Variants in TENM3 observed in about 807,000 individuals in gnomAD.
TENM3 encodes the protein teneurin transmembrane protein 3, also known as teneurin-3.
A neutral mutation model predicts 255.1 loss-of-function variants in TENM3; 63 were observed. The observed-to-expected ratio is 0.25, with a 90% CI of 0.20 to 0.30. TENM3 has a LOEUF of 0.30. TENM3 is among the 10% of genes least tolerant of loss of function. The pLI is 1.00. For synonymous variants in TENM3, 1,306 were observed against 1,322.3 expected, an observed-to-expected ratio of 0.99 and a Z score of 0.27; for missense variants, 2,929 against 3,461.1, an observed-to-expected ratio of 0.85 and a Z score of 3.86.
the TENM3 span, among the ~76,000 whole-genome samples, chr4:181,817,615 T>G: frequency 6.6e-6 from 1 of 152,128 alleles, no homozygotes; most frequent in South Asian, 2.1e-4. Context: ...CTTAGGAAAG[T>G]GATCGGGTTA....
chr4:182,719,446 GA>G (rs1163217278), intron 13 of TENM3, among the ~76,000 whole-genome samples: 1 of 151,616 alleles, frequency 6.6e-6, no homozygotes, highest in Non-Finnish European at 1.5e-5. Context: ...ATTTTTAGTA[GA>G]GACGGGGTTC....
intron 1 of TENM3, among the ~76,000 whole-genome samples, chr4:182,251,030 C>T (rs1342350797): frequency 6.6e-6 from 1 of 152,208 alleles, no homozygotes; most frequent in East Asian, 1.9e-4. Flanking sequence ...GCCTTTCCCA[C>T]CAATCAGCAG....
At chr4:181,774,513 G>C in the TENM3 span, among the ~76,000 whole-genome samples, 69 of 74 alleles carry the variant, frequency 0.93, 32 homozygotes, top group South Asian at 1. Flanking sequence ...ATGATTTATA[G>C]TCATTTGGGT....
intron 19 of TENM3, among the ~76,000 whole-genome samples, chr4:182,748,471 C>T (rs866823020): frequency 6.6e-6 from 1 of 152,180 alleles, no homozygotes; most frequent in Admixed American, 6.5e-5. Context: ...CCCGCCTCTT[C>T]AGTGCTTTGG....
the TENM3 span, among the ~76,000 whole-genome samples, chr4:181,969,506 G>T: frequency 2.0e-5 from 3 of 152,144 alleles, no homozygotes; most frequent in African/African-American, 7.2e-5. Flanking sequence ...ACCGCAATAT[G>T]CATGACATAT....
intron 3 of TENM3, among the ~76,000 whole-genome samples, chr4:182,450,579 GTTTAA>G (rs1773373993): frequency 6.6e-6 from 1 of 152,172 alleles, no homozygotes; most frequent in African/African-American, 2.4e-5. Context: ...TATAAAGTAT[GTTTAA>G]TTTAAAGAGG....
chr4:182,429,478 A>G (rs1040586839), intron 3 of TENM3, among the ~76,000 whole-genome samples: 4 of 152,220 alleles, frequency 2.6e-5, no homozygotes, highest in African/African-American at 9.6e-5. Flanking sequence ...TTAAGTACTT[A>G]TTATTACTTA....
the TENM3 span, among the ~76,000 whole-genome samples, chr4:182,014,135 CACACACATATAT>C: frequency 4.2e-5 from 6 of 142,352 alleles, no homozygotes; most frequent in Admixed American, 4.3e-4. Context: ...TATACATATA[CACACACATATAT>C]ACTTATATAT....
At chr4:182,057,017 T>C in the TENM3 span, among the ~76,000 whole-genome samples, 2 of 151,296 alleles carry the variant, frequency 1.3e-5, no homozygotes, top group Non-Finnish European at 1.5e-5. Flanking sequence ...CTGAAGACTG[T>C]TCAGAATAGA....
At chr4:182,448,186 C>G in intron 3 of TENM3, among the ~76,000 whole-genome samples, 1 of 152,166 alleles carries the variant, frequency 6.6e-6, no homozygotes, top group East Asian at 1.9e-4. Flanking sequence ...GCGACTGCTG[C>G]GGGGACGAGG....
chr4:182,431,604 T>C (rs539463358), intron 3 of TENM3, among the ~76,000 whole-genome samples: 57 of 152,238 alleles, frequency 3.7e-4, no homozygotes, highest in African/African-American at 1.3e-3. Flanking sequence ...GGAAAGACAA[T>C]TGAAATTTCT....
chr4:181,745,429 AAAGAAC>A, the TENM3 span, among the ~76,000 whole-genome samples: 1 of 152,186 alleles, frequency 6.6e-6, no homozygotes, highest in Admixed American at 6.6e-5. Context: ...AGCGTTTTTT[AAAGAAC>A]CGTATTAATA....
At chr4:181,521,009 TG>T in the TENM3 span, among the ~76,000 whole-genome samples, 1 of 152,212 alleles carries the variant, frequency 6.6e-6, no homozygotes, top group African/African-American at 2.4e-5. Flanking sequence ...TGTGTTCCTC[TG>T]TTGCGTGTAG....
At chr4:182,551,137 G>C (rs945942796) in intron 3 of TENM3, among the ~76,000 whole-genome samples, 1 of 151,012 alleles carries the variant, frequency 6.6e-6, no homozygotes, top group Admixed American at 6.6e-5. Context: ...CAGGAGGATC[G>C]CTTGAACCCG....
the TENM3 span, among the ~76,000 whole-genome samples, chr4:181,760,969 TACACACACACACACAC>T: frequency 9.9e-5 from 5 of 50,642 alleles, no homozygotes; most frequent in African/African-American, 1.4e-4. Flanking sequence ...ACCACACACA[TACACACACACACACAC>T]ACACACACAC....
chr4:181,812,107 T>C, the TENM3 span, among the ~76,000 whole-genome samples: 1 of 152,186 alleles, frequency 6.6e-6, no homozygotes, highest in African/African-American at 2.4e-5. Context: ...GAGGCCTAGG[T>C]CAAAATGACA....
intron 24 of TENM3, among the ~76,000 whole-genome samples, chr4:182,787,124 C>CA (rs1434113742): frequency 6.6e-6 from 1 of 152,154 alleles, no homozygotes; most frequent in Non-Finnish European, 1.5e-5. Flanking sequence ...TAAAGTTTCA[C>CA]AAAATTCACA....
At chr4:181,514,468 G>A in the TENM3 span, among the ~76,000 whole-genome samples, 7 of 152,128 alleles carry the variant, frequency 4.6e-5, no homozygotes, top group Non-Finnish European at 1.0e-4. Flanking sequence ...AATAAAATCA[G>A]TAGCAGATAA....
At chr4:182,348,650 C>T (rs1022489880) in intron 3 of TENM3, among the ~76,000 whole-genome samples, 39 of 152,182 alleles carry the variant, frequency 2.6e-4, no homozygotes, top group African/African-American at 8.7e-4. Context: ...CCTTCTATGG[C>T]ATCTCATCCT....
Sources: allele counts gnomAD v4.1 joint callset (sites outside exome capture counted in the v4.1 genomes callset), GRCh38; gene constraint gnomAD v4.1.1; transcripts MANE v1.5; gene names NCBI Gene and HGNC (gene_info 2026-07-23, HGNC 2026-07-21).